Variants in EPM2A observed in about 807,000 individuals in gnomAD.
The protein encoded by EPM2A is EPM2A glucan phosphatase, laforin, also known as laforin.
A neutral mutation model predicts 26.5 loss-of-function variants in EPM2A; 21 were observed. That is an observed-to-expected ratio of 0.79 (90% CI 0.56 to 1.14). EPM2A has a LOEUF of 1.14. EPM2A is among the 50% of genes most tolerant of loss of function. The pLI, the probability that EPM2A is intolerant of heterozygous loss-of-function variation, is 0.00. For missense variants in EPM2A, 458 were observed against 440.8 expected, an observed-to-expected ratio of 1.04 and a Z score of -0.35; for synonymous variants, 217 against 177.6, an observed-to-expected ratio of 1.22 and a Z score of -1.76.
chr6:145,554,464 A>ATAGATAGATAGATACATAGG (rs1562380414), intron 2 of EPM2A, among the ~76,000 whole-genome samples: 1 of 152,036 alleles, frequency 6.6e-6, no homozygotes, highest in African/African-American at 2.4e-5. Flanking sequence ...AGATAGATAG[A>ATAGATAGATAGATACATAGG]TAGATACATA....
At chr6:145,726,565 G>A (rs560083868) in intron 1 of EPM2A, among the ~76,000 whole-genome samples, 1 of 151,966 alleles carries the variant, frequency 6.6e-6, no homozygotes, top group Non-Finnish European at 1.5e-5. Flanking sequence ...CATCACAAAC[G>A]GTAGTAAGTC....
At chr6:145,645,877 G>A (rs1004245932) in intron 2 of EPM2A, among the ~76,000 whole-genome samples, 3 of 152,174 alleles carry the variant, frequency 2.0e-5, no homozygotes, top group East Asian at 1.9e-4. Context: ...TATAATAGGC[G>A]TGAGCCACTG....
Position 145,626,885 on chromosome 6 carries a change from T to TA in EPM2A, c.*530dup. 1 of 994,970 alleles carries TA rather than the reference T, an allele frequency of 1.0e-6. No homozygotes were observed. The highest frequency in any genetic ancestry group is 1.2e-6 in the Non-Finnish European group (1 of 835,068). The allele number at this position is 994,970 out of a possible 1,614,324, so 61.6% of individuals were successfully genotyped here. On this transcript the variant is annotated 3_prime_UTR_variant, in exon 4 of 4. Transcript: ENST00000367519. ...AGACTTTAACAACTGTGAGGCAGGATAAAAAACAAGTCCTGAAAGCCATCA... is the reference window on the plus strand; with the variant it reads ...AGACTTTAACAACTGTGAGGCAGGATAAAAAAACAAGTCCTGAAAGCCATCA...
upstream of EPM2A, chr6:145,735,539 C>G (rs1057522658): frequency 6.9e-6 from 8 of 1,160,626 alleles, no homozygotes; most frequent in Non-Finnish European, 7.4e-6. Flanking sequence ...CCGGAGTCCC[C>G]GCGGCCGGCA....
intron 2 of EPM2A, among the ~76,000 whole-genome samples, chr6:145,655,554 T>C (rs943033798): frequency 6.6e-6 from 1 of 152,156 alleles, no homozygotes; most frequent in Non-Finnish European, 1.5e-5. Context: ...TATGTTTTTA[T>C]ATTTACAAAA....
chr6:145,613,051 C>A (rs1264694950), intron 2 of EPM2A, among the ~76,000 whole-genome samples: 1 of 151,970 alleles, frequency 6.6e-6, no homozygotes, highest in African/African-American at 2.4e-5. Context: ...CACATTTTAC[C>A]CAAAGCAGAA....
intron 4 of EPM2A, among the ~76,000 whole-genome samples, chr6:145,471,980 G>A (rs1312602430): frequency 6.6e-6 from 1 of 151,222 alleles, no homozygotes; most frequent in Non-Finnish European, 1.5e-5. Context: ...GCACAGCTCA[G>A]TTGGGTACTT....
At chr6:145,596,856 T>C (rs1027123665) in intron 2 of EPM2A, among the ~76,000 whole-genome samples, 1 of 150,720 alleles carries the variant, frequency 6.6e-6, no homozygotes, top group African/African-American at 2.4e-5. Flanking sequence ...TCTTCTACGT[T>C]GTATATGCTC....
At chr6:145,617,160 G>T (rs1488207935) in intron 2 of EPM2A, among the ~76,000 whole-genome samples, 1 of 152,196 alleles carries the variant, frequency 6.6e-6, no homozygotes, top group African/African-American at 2.4e-5. Context: ...ATGGGGGCAG[G>T]TCTTTTCTGT....
intron 2 of EPM2A, among the ~76,000 whole-genome samples, chr6:145,597,472 T>TA: frequency 7.0e-6 from 1 of 142,836 alleles, no homozygotes; most frequent in South Asian, 2.3e-4. Flanking sequence ...TGTTTATTTT[T>TA]TTTTCTTTTT....
chr6:145,453,696 A>C (rs925204022), intron 4 of EPM2A, among the ~76,000 whole-genome samples: 1 of 152,158 alleles, frequency 6.6e-6, no homozygotes, highest in Non-Finnish European at 1.5e-5. Flanking sequence ...GCAGACCAAA[A>C]AGTACTTAAT....
chr6:145,668,326 A>G (rs1220903219), intron 2 of EPM2A, among the ~76,000 whole-genome samples: 3 of 152,176 alleles, frequency 2.0e-5, no homozygotes, highest in Non-Finnish European at 4.4e-5. Context: ...GAGAAGGACA[A>G]TGAGGTGAGT....
intron 1 of EPM2A, among the ~76,000 whole-genome samples, chr6:145,732,407 CACACATAT>C (rs200271120): frequency 0.021 from 1,628 of 78,888 alleles, 20 homozygotes; most frequent in Admixed American, 0.034. Context: ...GAAACACACA[CACACATAT>C]ATATATATAT....
intron 4 of EPM2A, among the ~76,000 whole-genome samples, chr6:145,395,769 A>C (rs143918322): frequency 4.3e-4 from 65 of 152,186 alleles, no homozygotes; most frequent in African/African-American, 1.4e-3. Flanking sequence ...ACACAGACTA[A>C]AGGAAACTCC....
intron 2 of EPM2A, among the ~76,000 whole-genome samples, chr6:145,555,286 G>A (rs915751987): frequency 1.8e-4 from 28 of 151,972 alleles, no homozygotes; most frequent in African/African-American, 6.3e-4. Flanking sequence ...CCAGCTCCAG[G>A]GCAGAGGTCT....
chr6:145,709,357 G>A (rs73566126), intron 1 of EPM2A, among the ~76,000 whole-genome samples: 10,156 of 152,188 alleles, frequency 0.067, 1,141 homozygotes, highest in African/African-American at 0.23. Context: ...CTCATGGGAG[G>A]GACCCAGTGG....
At chr6:145,590,702 G>A (rs1316944945) in intron 2 of EPM2A, among the ~76,000 whole-genome samples, 1 of 152,034 alleles carries the variant, frequency 6.6e-6, no homozygotes, top group Non-Finnish European at 1.5e-5. Flanking sequence ...TGAAGTCTCT[G>A]GCACGTACAG....
chr6:145,398,986 C>CT (rs1211047814), intron 4 of EPM2A, among the ~76,000 whole-genome samples: 8 of 152,108 alleles, frequency 5.3e-5, no homozygotes, highest in African/African-American at 9.7e-5. Context: ...TTACCACCCC[C>CT]TTTTTAATCT....
chr6:145,469,815 T>C (rs1779449721), intron 4 of EPM2A, among the ~76,000 whole-genome samples: 2 of 152,162 alleles, frequency 1.3e-5, no homozygotes, highest in Admixed American at 6.6e-5. Flanking sequence ...ATTGTGTTTA[T>C]ACACAATGCA....
Sources: gnomAD v4.1 joint callset for allele counts (sites outside exome capture counted in the v4.1 genomes callset) on GRCh38, gnomAD v4.1.1 for gene constraint, MANE v1.5 for transcripts, NCBI Gene and HGNC (gene_info 2026-07-23, HGNC 2026-07-21) for gene names.